The following RBBP8 variants were observed in gnomAD, a reference collection of about 807,000 sequenced individuals.
RBBP8 encodes DNA endonuclease RBBP8.
RBBP8 carries 88 observed loss-of-function variants against 108.3 expected under a neutral mutation model. The ratio of observed to expected loss-of-function variants is 0.81; its 90% CI spans 0.68 to 0.97. The LOEUF is 0.97. Ranked by LOEUF, RBBP8 falls within the 50% of genes least tolerant of loss-of-function variation. The pLI is 0.00. For missense variants in RBBP8, 1,023 were observed against 1,049.0 expected (o/e 0.98, Z 0.34); for synonymous variants, 332 against 348.2 (o/e 0.95, Z 0.52).
At chr18:22,954,341 A>G (rs1221238981) in intron 4 of RBBP8, among the ~76,000 whole-genome samples, 1 of 152,258 alleles carries the variant, frequency 6.6e-6, no homozygotes, top group Non-Finnish European at 1.5e-5. Flanking sequence ...TTGGGTAAAT[A>G]CACCCATTCC....
At chr18:22,936,983 T>TA (rs2144397516) in intron 2 of RBBP8, 23 bp downstream of exon 2, 4 of 1,613,090 alleles carry the variant, frequency 2.5e-6, no homozygotes, top group Non-Finnish European at 3.4e-6. Flanking sequence ...CTTAAATACT[T>TA]ACAGCAGTAT....
intron 5 of RBBP8, among the ~76,000 whole-genome samples, chr18:22,974,353 C>G (rs9951973): frequency 0.49 from 74,768 of 152,090 alleles, 21,742 homozygotes; most frequent in Middle Eastern, 0.67. Flanking sequence ...ATTTAAGTTA[C>G]TGATAACCAT....
At chr18:22,935,666 G>C (rs1910510739) in intron 1 of RBBP8, among the ~76,000 whole-genome samples, 1 of 152,250 alleles carries the variant, frequency 6.6e-6, no homozygotes, top group South Asian at 2.1e-4. Context: ...TAAGGAGCCA[G>C]ATGTGAGGTT....
chr18:22,948,368 A>ATTTT (rs990445925), intron 3 of RBBP8, among the ~76,000 whole-genome samples: 34 of 151,952 alleles, frequency 2.2e-4, no homozygotes, highest in African/African-American at 8.2e-4. Context: ...AGTAGGAAAT[A>ATTTT]TTTTATTTAT....
intron 3 of RBBP8, among the ~76,000 whole-genome samples, chr18:22,927,523 T>A (rs1909834854): frequency 6.6e-6 from 1 of 152,172 alleles, no homozygotes; most frequent in Admixed American, 6.5e-5. Context: ...ACTAGTCACA[T>A]GCAGACTTGA....
rs1287619156 is a variant in RBBP8, at chr18:23,000,002, A to AT, written c.2144-1582dup. Reference sequence around the variant, plus strand: ...CTTCAGCATGCAGAATAAATGTTTAATTATCAATAAATATCAAGCAAAAAT... The same window carrying AT: ...CTTCAGCATGCAGAATAAATGTTTAATTTATCAATAAATATCAAGCAAAAAT... On this transcript the variant is annotated intron_variant, in intron 14 of 18. Transcript: ENST00000327155. Among the ~76,000 whole-genome samples, 3 of 152,346 alleles carry AT rather than the reference A, an allele frequency of 2.0e-5. No individual in the cohort carries two copies. The East Asian group carries it at 5.8e-4, about 29-fold the overall frequency.
chr18:22,951,498 T>G (rs565774198), intron 4 of RBBP8, among the ~76,000 whole-genome samples: 2 of 152,188 alleles, frequency 1.3e-5, no homozygotes, highest in Non-Finnish European at 2.9e-5. Flanking sequence ...TTTCCCACTG[T>G]ACTCGTACAA....
chr18:22,919,137 A>G (rs1326623707), intron 3 of RBBP8, among the ~76,000 whole-genome samples: 1 of 152,232 alleles, frequency 6.6e-6, no homozygotes, highest in Non-Finnish European at 1.5e-5. Flanking sequence ...TTAATTGATT[A>G]GGGAATGAAG....
intron 15 of RBBP8, among the ~76,000 whole-genome samples, chr18:23,003,572 T>A (rs1405453102): frequency 6.6e-6 from 1 of 152,184 alleles, no homozygotes; most frequent in Non-Finnish European, 1.5e-5. Context: ...GCTCAGTAAA[T>A]TTTGATTCTT....
chr18:22,939,081 T>C (rs563485382), intron 2 of RBBP8, among the ~76,000 whole-genome samples: 81 of 152,356 alleles, frequency 5.3e-4, no homozygotes, highest in African/African-American at 1.8e-3. Context: ...ATGCTTCATA[T>C]TACATTTGTT....
At chr18:22,951,999 T>C (rs1912087918) in intron 4 of RBBP8, among the ~76,000 whole-genome samples, 1 of 152,002 alleles carries the variant, frequency 6.6e-6, no homozygotes. Flanking sequence ...CAAAAGGAAA[T>C]AGAACAGACA....
chr18:22,922,767 T>A (rs937494959), intron 3 of RBBP8, among the ~76,000 whole-genome samples: 3 of 152,156 alleles, frequency 2.0e-5, no homozygotes, highest in African/African-American at 7.2e-5. Flanking sequence ...ACTTGGCCAA[T>A]AAATAATTTC....
At chr18:22,978,765 A>G (rs983296542) in intron 6 of RBBP8, among the ~76,000 whole-genome samples, 13 of 152,202 alleles carry the variant, frequency 8.5e-5, no homozygotes, top group African/African-American at 2.9e-4. Flanking sequence ...AAAATTAGAT[A>G]TCAGATCTAT....
intron 16 of RBBP8, among the ~76,000 whole-genome samples, chr18:23,015,238 A>G (rs2046236558): frequency 6.6e-6 from 1 of 152,204 alleles, no homozygotes; most frequent in Non-Finnish European, 1.5e-5. Flanking sequence ...TGGCATACAA[A>G]CAGATGAATC....
intron 3 of RBBP8, among the ~76,000 whole-genome samples, chr18:22,921,904 C>T (rs8093909): frequency 0.99 from 151,446 of 152,342 alleles, 75,285 homozygotes; most frequent in East Asian, 1. Context: ...TTTAAGTTTT[C>T]ACACTAGTAA....
intron 3 of RBBP8, among the ~76,000 whole-genome samples, chr18:22,918,834 A>G (rs974190809): frequency 1.3e-5 from 2 of 151,946 alleles, no homozygotes; most frequent in African/African-American, 4.8e-5. Context: ...GCTGATCTTG[A>G]ACTCCTAGCC....
rs1490259500 is a variant in RBBP8, at chr18:23,026,381, TA to T, written c.*142del. ...AGTTTTCTATTGAAAATGTTTGTGA[TA>T]TTTTGCTTTTGCACCTTTAAAACAA... On this transcript the variant is annotated 3_prime_UTR_variant, in exon 19 of 19. Coordinates refer to ENST00000327155, the MANE Select transcript of RBBP8 (RefSeq NM_002894.3). 135 of 839,146 alleles carry T rather than the reference TA, an allele frequency of 1.6e-4. No individual in the cohort carries two copies. The Middle Eastern group carries it at 3.0e-3, about 18-fold the overall frequency. 52.0% of individuals were successfully genotyped at this position (839,146 alleles called of 1,614,324 possible).
At chr18:22,968,019 G>A (rs552837897) in intron 4 of RBBP8, among the ~76,000 whole-genome samples, 1 of 151,472 alleles carries the variant, frequency 6.6e-6, no homozygotes, top group South Asian at 2.1e-4. Context: ...AAAATATGAG[G>A]TGACTTTTTC....
At chr18:22,980,062 G>A (rs1373994087) in intron 6 of RBBP8, among the ~76,000 whole-genome samples, 10 of 151,952 alleles carry the variant, frequency 6.6e-5, no homozygotes, top group Admixed American at 4.6e-4. Context: ...CCTGGCCAAC[G>A]TGGTGAAACC....
Sources: gnomAD v4.1 joint callset for allele counts (sites outside exome capture counted in the v4.1 genomes callset) on GRCh38, gnomAD v4.1.1 for gene constraint, MANE v1.5 for transcripts, NCBI Gene and HGNC (gene_info 2026-07-23, HGNC 2026-07-21) for gene names.